The following CMIP variants were observed in gnomAD, a reference collection of about 807,000 sequenced individuals.
CMIP encodes C-Maf-inducing protein.
In CMIP, 13 loss-of-function variants were observed where a neutral mutation model predicts 97.3. That is an observed-to-expected ratio of 0.13 (90% CI 0.09 to 0.21). The LOEUF is 0.21. CMIP is among the 10% of genes least tolerant of loss of function. The pLI, the probability that CMIP is intolerant of heterozygous loss-of-function variation, is 1.00. For missense variants in CMIP, 847 were observed against 1,024.9 expected (o/e 0.83, Z 2.37); for synonymous variants, 538 against 436.3 (o/e 1.23, Z -2.91).
At chr16:81,637,520 G>T (rs192101731) in intron 3 of CMIP, among the ~76,000 whole-genome samples, 1 of 152,210 alleles carries the variant, frequency 6.6e-6, no homozygotes, top group African/African-American at 2.4e-5. Context: ...CCATTTTACA[G>T]ATGAGGAAAC....
At chr16:81,505,111 A>G (rs942640658) in intron 1 of CMIP, among the ~76,000 whole-genome samples, 1 of 152,230 alleles carries the variant, frequency 6.6e-6, no homozygotes, top group Admixed American at 6.5e-5. Context: ...CTGATCGTGC[A>G]GTGACCCAGC....
chr16:81,524,561 C>G (rs1167897875), intron 1 of CMIP, among the ~76,000 whole-genome samples: 2 of 152,214 alleles, frequency 1.3e-5, no homozygotes, highest in African/African-American at 2.4e-5. Flanking sequence ...TCATCATTGC[C>G]CAAGGTATGG....
chr16:81,457,594 C>T (rs543460296), intron 1 of CMIP, among the ~76,000 whole-genome samples: 2 of 152,240 alleles, frequency 1.3e-5, no homozygotes, highest in Non-Finnish European at 2.9e-5. Context: ...GCAGGCTCTG[C>T]CACATGTCCC....
intron 1 of CMIP, among the ~76,000 whole-genome samples, chr16:81,486,997 T>A (rs1418440414): frequency 1.3e-5 from 2 of 152,202 alleles, no homozygotes; most frequent in South Asian, 2.1e-4. Flanking sequence ...GAGGGAAGCT[T>A]CTGGAGGGAG....
chr16:81,625,049 G>T (rs1244896347), intron 3 of CMIP, among the ~76,000 whole-genome samples: 1 of 152,100 alleles, frequency 6.6e-6, no homozygotes, highest in Non-Finnish European at 1.5e-5. Flanking sequence ...AGTGTAGAGA[G>T]GATAAGTCAG....
At chr16:81,642,457 G>A (rs2092317314) in intron 3 of CMIP, among the ~76,000 whole-genome samples, 1 of 152,162 alleles carries the variant, frequency 6.6e-6, no homozygotes, top group Admixed American at 6.5e-5. Flanking sequence ...GTAATTGTGT[G>A]GGGTAAATTG....
chr16:81,702,457 G>T (rs914363559), intron 16 of CMIP, among the ~76,000 whole-genome samples, 165 bp from the exon 17 acceptor site: 1 of 152,076 alleles, frequency 6.6e-6, no homozygotes, highest in African/African-American at 2.4e-5. Context: ...AACCACCTGT[G>T]CTCAAACCTC....
intron 3 of CMIP, chr16:81,631,554 T>C (rs979450645): frequency 6.6e-6 from 1 of 152,262 alleles, no homozygotes; most frequent in Admixed American, 6.5e-5. Context: ...GCAGCACAGG[T>C]GAGCTTTGCA....
In CMIP at chr16:81,601,076, G is replaced by A. The variant is rs544791731; in HGVS notation, c.301-6491G>A. Among the ~76,000 whole-genome samples, 6 of 152,276 alleles carry A rather than the reference G, an allele frequency of 3.9e-5. No homozygotes were observed. The East Asian group carries it at 9.7e-4, about 24-fold the overall frequency. On this transcript the variant is annotated intron_variant, in intron 1 of 20. Transcript: ENST00000537098. ...TAGGGAGAGAGGGGACTTGACTCCA[G>A]CCCAGCACATCCACCCAGCTGTCAG...
intron 1 of CMIP, among the ~76,000 whole-genome samples, chr16:81,478,019 C>T (rs914809267): frequency 1.3e-5 from 2 of 152,186 alleles, no homozygotes; most frequent in African/African-American, 4.8e-5. Context: ...GCCATGAATC[C>T]CACCCCACAG....
At chr16:81,607,507 G>A (rs1399148171) in intron 1 of CMIP, 60 bp from the exon 2 acceptor site, 24 of 1,589,796 alleles carry the variant, frequency 1.5e-5, no homozygotes, top group South Asian at 4.4e-5. Context: ...TCTGAGATGC[G>A]GACGTCATGC....
rs764467271 is a variant in CMIP, at chr16:81,659,344, TG to T, written c.681+1529del. Among the ~76,000 whole-genome samples, 13 of 152,010 alleles carry T rather than the reference TG, an allele frequency of 8.6e-5. No individual in the cohort carries two copies. In the East Asian group the frequency reaches 1.7e-3, roughly 20 times the overall value. On this transcript the variant is annotated intron_variant, in intron 5 of 20. Coordinates refer to ENST00000537098, the MANE Select transcript of CMIP (RefSeq NM_198390.3). ...ATACAAAAATAACATGGCCAAGGGC[TG>T]AGGTTTGTTCTGGGTGTTAGAGGGG...
At chr16:81,603,417 A>G (rs147923643) in intron 1 of CMIP, 2 of 454,304 alleles carry the variant, frequency 4.4e-6, no homozygotes, top group East Asian at 7.0e-5. Flanking sequence ...TTCTTTTAGG[A>G]CAGTTTGAGA....
At chr16:81,536,863 T>C (rs1384858527) in intron 1 of CMIP, among the ~76,000 whole-genome samples, 2 of 152,100 alleles carry the variant, frequency 1.3e-5, no homozygotes, top group Non-Finnish European at 2.9e-5. Flanking sequence ...CACGCACGTG[T>C]AACCAGCGCC....
Position 81,616,388 on chromosome 16 carries a change from A to G in CMIP, c.427-4488A>G, listed in dbSNP as rs928079267. Among the ~76,000 whole-genome samples, 2 of 152,102 alleles carry G rather than the reference A, an allele frequency of 1.3e-5. No homozygotes were observed. Among genetic ancestry groups the G allele is most frequent in the South Asian group, 4.1e-4 (2 of 4,824 alleles). On this transcript the variant is annotated intron_variant, in intron 2 of 20. Coordinates refer to ENST00000537098, the MANE Select transcript of CMIP (RefSeq NM_198390.3). This position sits in a 1 kb window ranked among gnomAD's most constrained non-coding sequence, Gnocchi z 4.7. ...GGCAGGCGCCGGAGTGTGCAGAGGC[A>G]CCCCACTGCCTGCTCCGAGCCTCAG...
chr16:81,662,195 T>C (rs1050848446), intron 6 of CMIP, among the ~76,000 whole-genome samples: 4 of 152,132 alleles, frequency 2.6e-5, no homozygotes, highest in African/African-American at 9.7e-5. Context: ...CTGTCCAATT[T>C]AACCCAAACC....
chr16:81,548,579 A>G (rs112832805), intron 1 of CMIP, among the ~76,000 whole-genome samples: 1 of 151,732 alleles, frequency 6.6e-6, no homozygotes, highest in African/African-American at 2.4e-5. Context: ...GGTGGCATGC[A>G]CCTGTAATTC....
chr16:81,586,343 G>A (rs375472308), intron 1 of CMIP, among the ~76,000 whole-genome samples: 1 of 152,174 alleles, frequency 6.6e-6, no homozygotes, highest in Non-Finnish European at 1.5e-5. Flanking sequence ...GTGGTAATTT[G>A]TGGGTGCTAT....
rs9928008 is a variant in CMIP at position 81,483,993 on chromosome 16, G to A, written c.300+38452G>A. On this transcript the variant is annotated intron_variant, in intron 1 of 20. Coordinates refer to ENST00000537098, the MANE Select transcript of CMIP (RefSeq NM_198390.3). ...CATCCAGTTTAGTTCAATCCTGTAT[G>A]TAATCATTTCAAGCTTAATAAATTA... Among the ~76,000 whole-genome samples the A allele has an allele frequency of 0.018, 2,802 of 152,284 alleles. 169 individuals are homozygous for A. The East Asian group carries it at 0.24, about 13-fold the overall frequency.
Sources: allele counts gnomAD v4.1 joint callset (sites outside exome capture counted in the v4.1 genomes callset), GRCh38; gene constraint gnomAD v4.1.1; non-coding constraint Gnocchi (gnomAD v3.1); transcripts MANE v1.5; gene names NCBI Gene and HGNC (gene_info 2026-07-23, HGNC 2026-07-21).